EIF3G: variants seen among roughly 807,000 people sequenced by gnomAD.
EIF3G encodes eukaryotic translation initiation factor 3 subunit G, also known as eukaryotic translation initiation factor 3 RNA-binding subunit.
In EIF3G, 10 loss-of-function variants were observed where a neutral mutation model predicts 41.7. The observed-to-expected ratio is 0.24, with a 90% CI of 0.15 to 0.41. The LOEUF is 0.41. Among genes scored for constraint, EIF3G ranks in the 10% least tolerant of loss-of-function variants. EIF3G has a pLI of 1.00. For synonymous variants in EIF3G, 204 were observed against 172.5 expected, an observed-to-expected ratio of 1.18 and a Z score of -1.43; for missense variants, 297 against 444.0, an observed-to-expected ratio of 0.67 and a Z score of 2.98.
chr19:10,118,621 C>G (rs11667630), intron 5 of EIF3G, 47 bp downstream of exon 5: 1 of 1,604,262 alleles, frequency 6.2e-7, no homozygotes, highest in Non-Finnish European at 8.5e-7. Context: ...TCCGGGAGCA[C>G]GGTTTTCCAA....
At chr19:10,119,457 G>A (rs1568497141) in intron 2 of EIF3G, 197 bp downstream of exon 2, 2 of 767,514 alleles carry the variant, frequency 2.6e-6, no homozygotes, top group Admixed American at 2.0e-5. Context: ...GGAACAGCTG[G>A]GAGGCAGTGG....
At position 10,115,044 on chromosome 19, in the gene EIF3G, G is replaced by C; in HGVS notation, c.*70C>G. 6.9e-6 allele frequency: 11 copies of C among 1,604,136 alleles called. No homozygotes were observed. Among genetic ancestry groups the C allele is most frequent in the Non-Finnish European group, 8.5e-6 (10 of 1,173,714 alleles). The stretch of plus-strand genomic sequence containing the variant: ...AGAGTGGAGCTGCTTTATTGCCCTT[G>C]GAGCCCGCGCTCTCGGAGGCTGTCT... On this transcript the variant is annotated 3_prime_UTR_variant, in exon 11 of 11. Transcript: ENST00000253108.
rs2145226097 is a variant in EIF3G, at chr19:10,115,674, GCCT to G, written c.840+7_840+9del. 1 of 1,614,086 alleles carries G rather than the reference GCCT, an allele frequency of 6.2e-7. No individual in the cohort carries two copies. The highest frequency in any genetic ancestry group is 8.5e-7 in the Non-Finnish European group (1 of 1,179,950). On this transcript the variant is annotated splice_region_variant and intron_variant, in intron 9 of 10. Transcript: ENST00000253108. ...TCACACAGCCCCACCGTGCCTGCCT[GCCT>G]GCCCACCTTGGATTGGCCAGTGGTC...
At position 10,117,063 on chromosome 19, in the gene EIF3G, C is replaced by T. The variant is rs190019354; in HGVS notation, c.405+21G>A. The T allele has an allele frequency of 5.6e-5, 91 of 1,610,838 alleles. No individual in the cohort carries two copies. In the African/African-American group the frequency reaches 1.0e-3, roughly 18 times the overall value. On this transcript the variant is annotated intron_variant, in intron 6 of 10. Coordinates refer to ENST00000253108, the MANE Select transcript of EIF3G (RefSeq NM_003755.5). ...TTTGCCCCACCCCAGGATGCCAGCC[C>T]CACCTGATTGCCCCGCTTACCTCTT...
Position 10,116,370 on chromosome 19 carries a change from C to A in EIF3G, c.596-296G>T. 1.9e-6 allele frequency: 1 copy of A among 540,500 alleles called. No homozygotes were observed. Among genetic ancestry groups the A allele is most frequent in the Non-Finnish European group, 3.3e-6 (1 of 301,200 alleles). The allele number at this position is 540,500 out of a possible 1,614,324, so 33.5% of individuals were successfully genotyped here. ...ATGCACAGCAACGGCAGACATGGGA[C>A]ACACAACAGGAACAGCGCCCAGGTC... On this transcript the variant is annotated intron_variant, in intron 7 of 10. Coordinates refer to ENST00000253108, the MANE Select transcript of EIF3G (RefSeq NM_003755.5). This position sits in a 1 kb window ranked among gnomAD's most constrained non-coding sequence, Gnocchi z 4.1.
At chr19:10,117,517 A>C (rs2089269930) in intron 5 of EIF3G, 1 of 279,638 alleles carries the variant, frequency 3.6e-6, no homozygotes, top group Non-Finnish European at 6.6e-6. Context: ...CGGGCCCTTG[A>C]GCTAGACAAC....
rs750321598 is a variant in EIF3G, at chr19:10,117,226, G to A, written c.301-38C>T. On this transcript the variant is annotated intron_variant, in intron 5 of 10. Coordinates refer to ENST00000253108, the MANE Select transcript of EIF3G (RefSeq NM_003755.5). ...AGGGATGGGGGACAGTTGAGGGCAG[G>A]GGCAGGCTGGGTTCCACAGTGGGGT... 6.3e-5 allele frequency: 95 copies of A among 1,516,148 alleles called. No homozygotes were observed. In the South Asian group the frequency reaches 1.0e-3, roughly 16 times the overall value. The allele number at this position is 1,516,148 out of a possible 1,614,324, so 93.9% of individuals were successfully genotyped here. A position where few individuals can be genotyped will look rare whatever the true frequency, so the allele number is the denominator to read the frequency against.
Position 10,119,490 on chromosome 19 carries a change from CG to C in EIF3G, c.67+163del, listed in dbSNP as rs1355083579. 2.2e-5 allele frequency: 20 copies of C among 920,586 alleles called. No individual in the cohort carries two copies. The African/African-American group carries it at 2.9e-4, about 14-fold the overall frequency. The allele number at this position is 920,586 out of a possible 1,614,324, so 57.0% of individuals were successfully genotyped here. A position where few individuals can be genotyped will look rare whatever the true frequency, so the allele number is the denominator to read the frequency against. On this transcript the variant is annotated intron_variant, in intron 2 of 10. Coordinates refer to ENST00000253108, the MANE Select transcript of EIF3G (RefSeq NM_003755.5). ...TGGCATGGGAGGAAGAGGGACCCGC[CG>C]GGGAACACCTGGAGTTGGCAACAGG...
Position 10,116,528 on chromosome 19 carries a change from T to C in EIF3G, c.595+272A>G, listed in dbSNP as rs3826786. The C allele has an allele frequency of 0.15, 75,002 of 508,046 alleles. 6,507 individuals are homozygous for C. The highest frequency in any genetic ancestry group is 0.28 in the East Asian group (8,960 of 31,786). 31.5% of individuals were successfully genotyped at this position (508,046 alleles called of 1,614,324 possible). ...CTATACACACAGTGCGCACACACGA[T>C]GTGGGGTGGTCAGCACCCTGGGGCC... On this transcript the variant is annotated intron_variant, in intron 7 of 10. Transcript: ENST00000253108. This position sits in a 1 kb window ranked among gnomAD's most constrained non-coding sequence, Gnocchi z 4.1.
Position 10,115,138 on chromosome 19 carries a change from G to C in EIF3G, c.948-9C>G. ...CTTAGTTGGTGGACGGCCTGGGGTAGGGGAGGGTGGCAGGTATAAGACTTC... is the reference window on the plus strand; with the variant it reads ...CTTAGTTGGTGGACGGCCTGGGGTACGGGAGGGTGGCAGGTATAAGACTTC... On this transcript the variant is annotated splice_polypyrimidine_tract_variant and intron_variant, in intron 10 of 10. Transcript: ENST00000253108. 6.2e-7 allele frequency: 1 copy of C among 1,613,822 alleles called. No individual in the cohort carries two copies. The highest frequency in any genetic ancestry group is 8.5e-7 in the Non-Finnish European group (1 of 1,179,936).
intron 10 of EIF3G, 116 bp from the exon 11 acceptor site, chr19:10,115,245 C>T (rs932938562): frequency 3.0e-5 from 41 of 1,373,260 alleles, no homozygotes; most frequent in Admixed American, 9.0e-5. Flanking sequence ...GAGGACGAAG[C>T]GGGCACGGAG....
In EIF3G at chr19:10,116,529, G is replaced by A. The variant is rs1032601320; in HGVS notation, c.595+271C>T. The A allele has an allele frequency of 7.2e-5, 37 of 516,016 alleles. 1 individual carries two copies. In the South Asian group the frequency reaches 1.0e-3, roughly 15 times the overall value. The allele number at this position is 516,016 out of a possible 1,614,324, so 32.0% of individuals were successfully genotyped here. On this transcript the variant is annotated intron_variant, in intron 7 of 10. Transcript: ENST00000253108. The surrounding 1 kb of genome is among the most constrained non-coding windows in gnomAD (Gnocchi z 4.1). ...TATACACACAGTGCGCACACACGAT[G>A]TGGGGTGGTCAGCACCCTGGGGCCG...
chr19:10,117,399 C>CCT (rs1311363181), intron 5 of EIF3G: 2 of 552,016 alleles, frequency 3.6e-6, no homozygotes, highest in Non-Finnish European at 6.4e-6. Flanking sequence ...CAGCTGTCAG[C>CCT]CTCCGGGTCC....
At position 10,115,113 on chromosome 19, in the gene EIF3G, C is replaced by T; in HGVS notation, c.*1G>A. Reference sequence around the variant, plus strand: ...GGACCGAGTACACAGTGGCAGCTGGCTTAGTTGGTGGACGGCCTGGGGTAG... The same window carrying T: ...GGACCGAGTACACAGTGGCAGCTGGTTTAGTTGGTGGACGGCCTGGGGTAG... On this transcript the variant is annotated 3_prime_UTR_variant, in exon 11 of 11. Transcript: ENST00000253108. 6.2e-7 allele frequency: 1 copy of T among 1,614,006 alleles called. No individual in the cohort carries two copies. Among genetic ancestry groups the T allele is most frequent in the South Asian group, 1.1e-5 (1 of 91,014 alleles).
At position 10,119,638 on chromosome 19, in the gene EIF3G, G is replaced by A. The variant is rs1433433297; in HGVS notation, c.67+16C>T. 5 of 1,557,296 alleles carry A rather than the reference G, an allele frequency of 3.2e-6. No individual in the cohort carries two copies. Among genetic ancestry groups the A allele is most frequent in the South Asian group, 2.4e-5 (2 of 81,662 alleles). On this transcript the variant is annotated intron_variant, in intron 2 of 10. Transcript: ENST00000253108. ...GGGCCTGGCCGCGAATACCCCGGGC[G>A]ACCGTGTACACTTACCGTCCTCCCC... is the stretch of plus-strand genomic sequence containing the variant.
In EIF3G at chr19:10,115,240, C is replaced by G. The variant is rs994657427; in HGVS notation, c.948-111G>C. The G allele has an allele frequency of 2.8e-6, 4 of 1,410,362 alleles. No homozygotes were observed. In the Admixed American group the frequency reaches 6.5e-5, roughly 23 times the overall value. The allele number at this position is 1,410,362 out of a possible 1,614,324, so 87.4% of individuals were successfully genotyped here. A position where few individuals can be genotyped will look rare whatever the true frequency, so the allele number is the denominator to read the frequency against. Reference sequence around the variant, plus strand: ...GGCAGAGGACGGGGTAATGTGAGGACGAAGCGGGCACGGAGCCAGATGGCC... The same window carrying G: ...GGCAGAGGACGGGGTAATGTGAGGAGGAAGCGGGCACGGAGCCAGATGGCC... On this transcript the variant is annotated intron_variant, in intron 10 of 10. Coordinates refer to ENST00000253108, the MANE Select transcript of EIF3G (RefSeq NM_003755.5).
At chr19:10,115,172 C>T in intron 10 of EIF3G, 43 bp from the exon 11 acceptor site, 3 of 1,609,454 alleles carry the variant, frequency 1.9e-6, no homozygotes, top group Non-Finnish European at 2.5e-6. Context: ...TCTGGGGGCA[C>T]CCCAAGACCC....
chr19:10,115,019 A>T lies in EIF3G; in HGVS notation c.*95T>A. On this transcript the variant is annotated 3_prime_UTR_variant, in exon 11 of 11. Coordinates refer to ENST00000253108, the MANE Select transcript of EIF3G (RefSeq NM_003755.5). ...CAAGAACAAAAAGAACCAAGTAGAG[A>T]GAGTGGAGCTGCTTTATTGCCCTTG... 1 of 1,565,510 alleles carries T rather than the reference A, an allele frequency of 6.4e-7. No individual in the cohort carries two copies. Among genetic ancestry groups the T allele is most frequent in the Non-Finnish European group, 8.7e-7 (1 of 1,145,116 alleles).
Position 10,119,063 on chromosome 19 carries a change from TCACCTCCCGGCAGTCCTCAC to T in EIF3G, c.151+5_151+24del. On this transcript the variant is annotated splice_donor_5th_base_variant and intron_variant, in intron 3 of 10. Coordinates refer to ENST00000253108, the MANE Select transcript of EIF3G (RefSeq NM_003755.5). ...CCGGACACCGAGTGGCAGTCCTCAC[TCACCTCCCGGCAGTCCTCAC>T]TCACCTCCCGGCAGTAGCTCTGGCT... 1 of 524,018 alleles carries T rather than the reference TCACCTCCCGGCAGTCCTCAC, an allele frequency of 1.9e-6. No homozygotes were observed. Among genetic ancestry groups the T allele is most frequent in the Non-Finnish European group, 2.8e-6 (1 of 363,282 alleles). The allele number at this position is 524,018 out of a possible 1,614,324, so 32.5% of individuals were successfully genotyped here. A position where few individuals can be genotyped will look rare whatever the true frequency, so the allele number is the denominator to read the frequency against.
Sources: allele counts gnomAD v4.1 joint callset, GRCh38; gene constraint gnomAD v4.1.1; non-coding constraint Gnocchi (gnomAD v3.1); transcripts MANE v1.5; gene names NCBI Gene and HGNC (gene_info 2026-07-23, HGNC 2026-07-21).